Variants in CUL7 observed in about 807,000 individuals in gnomAD.
CUL7 encodes the protein cullin 7.
In CUL7, 96 loss-of-function variants were observed where a neutral mutation model predicts 177.7. The ratio of observed to expected loss-of-function variants is 0.54; its 90% CI spans 0.46 to 0.64. CUL7 has a LOEUF of 0.64. Among genes scored for constraint, CUL7 ranks in the 30% least tolerant of loss-of-function variants. The probability of loss-of-function intolerance (pLI) is 0.00; values close to 1 mark genes in which losing one functional copy is unlikely to be tolerated. For synonymous variants in CUL7, 824 were observed against 890.2 expected (o/e 0.93, Z 1.32); for missense variants, 1,893 against 2,187.9 (o/e 0.87, Z 2.69).
Position 43,052,484 on chromosome 6 carries a change from A to G in CUL7, c.305T>C (p.Leu102Pro), listed in dbSNP as rs1396576880. 1 of 1,614,196 alleles carries G rather than the reference A, an allele frequency of 6.2e-7. No homozygotes were observed. Among genetic ancestry groups the G allele is most frequent in the African/African-American group, 1.3e-5 (1 of 75,074 alleles). The change falls in exon 2 of 26, where the codon CTG becomes CCG. Residue 102 changes from leucine to proline, a missense_variant. Physicochemically the swap from Leu to Pro is moderately conservative, Grantham distance 98 (BLOSUM62 -3). Transcript: ENST00000265348. The surrounding 1 kb of genome is among the most constrained non-coding windows in gnomAD (Gnocchi z 4.5). ...CATCTCCTCCAGCACAGATTTGTCCAGGGCCCCAACCTCCCCTGCAGACTC... is the reference window on the plus strand; with the variant it reads ...CATCTCCTCCAGCACAGATTTGTCCGGGGCCCCAACCTCCCCTGCAGACTC... ...SQESAGEVGA[L>P]DKSVLEEMET... is the part of the protein sequence containing the mutation.
Position 43,043,474 on chromosome 6 carries a change from G to A in CUL7, c.3329C>T (p.Pro1110Leu), listed in dbSNP as rs973345906. The A allele has an allele frequency of 1.9e-6, 3 of 1,613,874 alleles. No homozygotes were observed. The highest frequency in any genetic ancestry group is 1.7e-5 in the Admixed American group (1 of 59,992). The change falls in exon 17 of 26, where the codon CCT becomes CTT. Residue 1110 changes from proline to leucine, a missense_variant. Pro to Leu is a moderately conservative substitution (Grantham distance 98, BLOSUM62 -3). Coordinates refer to ENST00000265348, the MANE Select transcript of CUL7 (RefSeq NM_014780.5). This position sits in a 1 kb window ranked among gnomAD's most constrained non-coding sequence, Gnocchi z 4.2. Reference sequence around the variant, plus strand: ...GGGCCGAGGAGTGGCCACCACAGGAGGGGGTGCCTCACAGGGCTCGACATG... The same window carrying A: ...GGGCCGAGGAGTGGCCACCACAGGAAGGGGTGCCTCACAGGGCTCGACATG... Reference protein sequence around the residue: ...LVHVEPCEAPPPVVATPRPKG... With the variant: ...LVHVEPCEAPLPVVATPRPKG...
At position 43,040,379 on chromosome 6, in the gene CUL7, C is replaced by T; in HGVS notation, c.4071G>A (p.Glu1357=). ...SGKEHKSEKE[E]EAGAAAVVDV... is the part of the protein sequence containing the mutation. ...CCACCACTGCTGCTGCCCCAGCTTC[C>T]TCTTCCTTCTCGCTCTTGTGCTCCT... Residue 1357 remains glutamate (E), a synonymous_variant, in exon 22 of 26, where the codon GAG becomes GAA. Transcript: ENST00000265348. The surrounding 1 kb of genome is among the most constrained non-coding windows in gnomAD (Gnocchi z 4.2). The T allele has an allele frequency of 2.5e-6, 4 of 1,613,392 alleles. No individual in the cohort carries two copies. Among genetic ancestry groups the T allele is most frequent in the Non-Finnish European group, 3.4e-6 (4 of 1,180,032 alleles).
Position 43,050,000 on chromosome 6 carries a change from T to C in CUL7, c.1532A>G (p.Glu511Gly). 6.2e-7 allele frequency: 1 copy of C among 1,614,110 alleles called. No homozygotes were observed. Among genetic ancestry groups the C allele is most frequent in the Non-Finnish European group, 8.5e-7 (1 of 1,180,012 alleles). ...GTTCTCCTGGAGGATCTGGAGAACC[T>C]CCTGATGGTCAGGTCCATCCAGCTT... Reference protein sequence around the residue: ...IKKLDGPDHQEVLQILQENLD... With the variant: ...IKKLDGPDHQGVLQILQENLD... The change falls in exon 6 of 26, where the codon GAG becomes GGG. Residue 511 changes from glutamate to glycine, a missense_variant. Transcript: ENST00000265348.
In CUL7 at chr6:43,052,639, C is replaced by T; in HGVS notation, c.150G>A (p.Glu50=). 1 of 1,614,252 alleles carries T rather than the reference C, an allele frequency of 6.2e-7. No individual in the cohort carries two copies. The highest frequency in any genetic ancestry group is 8.5e-7 in the Non-Finnish European group (1 of 1,180,044). ...CCACTTGGCCAGAGCCCCCGTCCCCCTCATCGCCACGCCGCAGGATGAGCC... is the reference window on the plus strand; with the variant it reads ...CCACTTGGCCAGAGCCCCCGTCCCCTTCATCGCCACGCCGCAGGATGAGCC... ...IRWLILRRGD[E]GDGGSGQVDC... The change falls in exon 2 of 26, where the codon GAG becomes GAA. Residue 50 remains glutamate (E), a synonymous_variant. Coordinates refer to ENST00000265348, the MANE Select transcript of CUL7 (RefSeq NM_014780.5). The surrounding 1 kb of genome is among the most constrained non-coding windows in gnomAD (Gnocchi z 4.5).
chr6:43,043,246 CA>C lies in CUL7; in HGVS notation c.3356-67del. The C allele has an allele frequency of 7.2e-7, 1 of 1,387,272 alleles. No homozygotes were observed. The highest frequency in any genetic ancestry group is 1.0e-6 in the Non-Finnish European group (1 of 984,264). 85.9% of individuals were successfully genotyped at this position (1,387,272 alleles called of 1,614,324 possible). ...GCCCCTCCACTCCCAAGTCCCCATC[CA>C]AGGGGGTTCCCTGAGGCCTTTCCTG... On this transcript the variant is annotated intron_variant, in intron 17 of 25. Coordinates refer to ENST00000265348, the MANE Select transcript of CUL7 (RefSeq NM_014780.5). The surrounding 1 kb of genome is among the most constrained non-coding windows in gnomAD (Gnocchi z 4.2).
rs1763347401 is a variant in CUL7 at position 43,040,783 on chromosome 6, G to C, written c.3807-37C>G. ...GCAGCCCGGGCCAAGCCTCAGTGTG[G>C]GCACCAGTGTGGCCCAGCCTCCCAC... On this transcript the variant is annotated intron_variant, in intron 20 of 25. Transcript: ENST00000265348. The surrounding 1 kb of genome is among the most constrained non-coding windows in gnomAD (Gnocchi z 4.2). 2 of 1,609,464 alleles carry C rather than the reference G, an allele frequency of 1.2e-6. No individual in the cohort carries two copies. Among genetic ancestry groups the C allele is most frequent in the Non-Finnish European group, 1.7e-6 (2 of 1,175,898 alleles).
At position 43,045,435 on chromosome 6, in the gene CUL7, C is replaced by T; in HGVS notation, c.2863-33G>A. 2.5e-6 allele frequency: 4 copies of T among 1,614,192 alleles called. No individual in the cohort carries two copies. The highest frequency in any genetic ancestry group is 3.4e-6 in the Non-Finnish European group (4 of 1,180,040). ...ACACACAGGACTATCTTCACTCGCTCCACACCTTGGGATGGGCTGGGGTCA... is the reference window on the plus strand; with the variant it reads ...ACACACAGGACTATCTTCACTCGCTTCACACCTTGGGATGGGCTGGGGTCA... On this transcript the variant is annotated intron_variant, in intron 14 of 25. Transcript: ENST00000265348. This position sits in a 1 kb window ranked among gnomAD's most constrained non-coding sequence, Gnocchi z 4.8.
At position 43,052,721 on chromosome 6, in the gene CUL7, T is replaced by G. The variant is rs749372429; in HGVS notation, c.68A>C (p.Asp23Ala). 1.2e-6 allele frequency: 2 copies of G among 1,612,880 alleles called. No homozygotes were observed. The highest frequency in any genetic ancestry group is 2.2e-5 in the South Asian group (2 of 91,088). ...GCCCACGCGCTGGCGGATCAGCTCA[T>G]CAGGATAGGCATGTAAGCCGGGCCC... Reference protein sequence around the residue: ...PLGPGLHAYPDELIRQRVGHD... With the variant: ...PLGPGLHAYPAELIRQRVGHD... The change falls in exon 2 of 26, where the codon GAT becomes GCT. Residue 23 changes from aspartate to alanine, a missense_variant. By Grantham distance (126) the Asp-to-Ala change is moderately radical (BLOSUM62 -2). Transcript: ENST00000265348. The surrounding 1 kb of genome is among the most constrained non-coding windows in gnomAD (Gnocchi z 4.5).
Position 43,040,417 on chromosome 6 carries a change from C to T in CUL7, c.4033G>A (p.Gly1345Arg). Reference protein sequence around the residue: ...DTEKKIQVGLGASGKEHKSEK... With the variant: ...DTEKKIQVGLRASGKEHKSEK... ...CTCTTGTGCTCCTTGCCACTGGCCC[C>T]AAGGCCCACCTGAAGGAGCACAGGG... Residue 1345 changes from glycine to arginine, a missense_variant, in exon 22 of 26, where the codon GGG becomes AGG. Gly to Arg is a moderately radical substitution (Grantham distance 125, BLOSUM62 -2). Around this residue, in one of 5 missense-constraint regions of CUL7, gnomAD observed 973 missense variants for 1,140.9 expected, o/e 0.85. Coordinates refer to ENST00000265348, the MANE Select transcript of CUL7 (RefSeq NM_014780.5). The surrounding 1 kb of genome is among the most constrained non-coding windows in gnomAD (Gnocchi z 4.2). The T allele has an allele frequency of 6.2e-7, 1 of 1,612,620 alleles. No individual in the cohort carries two copies. The highest frequency in any genetic ancestry group is 1.1e-5 in the South Asian group (1 of 91,088).
chr6:43,040,506 G>A lies in CUL7; in HGVS notation c.4023+24C>T. On this transcript the variant is annotated intron_variant, in intron 21 of 25. Transcript: ENST00000265348. The surrounding 1 kb of genome is among the most constrained non-coding windows in gnomAD (Gnocchi z 4.2). ...CCCTCTTCCCCCTACCCTCTTATTT[G>A]CTTATCCCTTCCAAGGCACTCACCT... 6.2e-7 allele frequency: 1 copy of A among 1,613,438 alleles called. No individual in the cohort carries two copies. Among genetic ancestry groups the A allele is most frequent in the Non-Finnish European group, 8.5e-7 (1 of 1,179,950 alleles).
Position 43,045,834 on chromosome 6 carries a change from G to T in CUL7, c.2766+152C>A, listed in dbSNP as rs1763855036. ...CCTCATGCCACCCTCATTGTTCAGGGCCTGGTGGCACAAGCACAGGGATAA... is the reference window on the plus strand; with the variant it reads ...CCTCATGCCACCCTCATTGTTCAGGTCCTGGTGGCACAAGCACAGGGATAA... On this transcript the variant is annotated intron_variant, in intron 13 of 25. Transcript: ENST00000265348. This position sits in a 1 kb window ranked among gnomAD's most constrained non-coding sequence, Gnocchi z 4.8. The T allele has an allele frequency of 8.3e-6, 9 of 1,078,858 alleles. No homozygotes were observed. Among genetic ancestry groups the T allele is most frequent in the Non-Finnish European group, 1.3e-5 (9 of 714,418 alleles). The allele number at this position is 1,078,858 out of a possible 1,614,324, so 66.8% of individuals were successfully genotyped here.
rs1275273166 is a variant in CUL7, at chr6:43,053,767, A to C, written c.-154T>G. Reference sequence around the variant, plus strand: ...ACGGGAGGGGGCGTGCCTCCGCGGAACAGAGCTGCACCCGCGTGAGTCGGC... The same window carrying C: ...ACGGGAGGGGGCGTGCCTCCGCGGACCAGAGCTGCACCCGCGTGAGTCGGC... On this transcript the variant is annotated 5_prime_UTR_variant, in exon 1 of 26. Transcript: ENST00000265348. This position sits in a 1 kb window ranked among gnomAD's most constrained non-coding sequence, Gnocchi z 4.1. 1 of 1,524,668 alleles carries C rather than the reference A, an allele frequency of 6.6e-7. No homozygotes were observed. The highest frequency in any genetic ancestry group is 8.8e-7 in the Non-Finnish European group (1 of 1,141,446). 94.4% of individuals were successfully genotyped at this position (1,524,668 alleles called of 1,614,324 possible). A position where few individuals can be genotyped will look rare whatever the true frequency, so the allele number is the denominator to read the frequency against.
At chr6:43,038,738 G>C in intron 23 of CUL7, 46 bp from the exon 24 acceptor site, 1 of 1,613,374 alleles carries the variant, frequency 6.2e-7, no homozygotes, top group Non-Finnish European at 8.5e-7. Flanking sequence ...CCAAGGAGTG[G>C]AGAGAAGAGG....
chr6:43,049,371 A>G (rs1189831205), intron 7 of CUL7, 36 bp downstream of exon 7: 3 of 1,613,886 alleles, frequency 1.9e-6, no homozygotes, highest in Non-Finnish European at 2.5e-6. Context: ...ACTGCCCTGA[A>G]GGTGTGTCAG....
rs886061419 is a variant in CUL7, at chr6:43,050,019, C to T, written c.1513G>A (p.Asp505Asn). 6.2e-7 allele frequency: 1 copy of T among 1,614,214 alleles called. No individual in the cohort carries two copies. ...WELLFFIKKL[D>N]GPDHQEVLQI... is the part of the protein sequence containing the mutation. ...AGAACCTCCTGATGGTCAGGTCCATCCAGCTTCTTGATGAAGAAGAGGAGT... is the reference window on the plus strand; with the variant it reads ...AGAACCTCCTGATGGTCAGGTCCATTCAGCTTCTTGATGAAGAAGAGGAGT... The change falls in exon 6 of 26, where the codon GAT (aspartate) becomes AAT (asparagine). Residue 505 changes from aspartate to asparagine, a missense_variant. Physicochemically the swap from Asp to Asn is conservative, Grantham distance 23. Coordinates refer to ENST00000265348, the MANE Select transcript of CUL7 (RefSeq NM_014780.5). This position sits in a 1 kb window ranked among gnomAD's most constrained non-coding sequence, Gnocchi z 4.1.
intron 7 of CUL7, 123 bp downstream of exon 7, chr6:43,049,284 C>T: frequency 7.8e-7 from 1 of 1,283,770 alleles, no homozygotes; most frequent in Non-Finnish European, 1.1e-6. Flanking sequence ...TTGCTTCTCT[C>T]TAAGTTGCAG....
In CUL7 at chr6:43,052,603, A is replaced by G; in HGVS notation, c.186T>C (p.Ala62=). 6.2e-7 allele frequency: 1 copy of G among 1,614,230 alleles called. No individual in the cohort carries two copies. Reference sequence around the variant, plus strand: ...TGGACATCCACAGCAGGATGTGCTCAGCCTTGCAGTCCACTTGGCCAGAGC... The same window carrying G: ...TGGACATCCACAGCAGGATGTGCTCGGCCTTGCAGTCCACTTGGCCAGAGC... ...DGGSGQVDCK[A]EHILLWMSKD... The change falls in exon 2 of 26, where the codon GCT becomes GCC. Residue 62 remains alanine, a synonymous_variant. Transcript: ENST00000265348. This position sits in a 1 kb window ranked among gnomAD's most constrained non-coding sequence, Gnocchi z 4.5.
In CUL7 at chr6:43,052,987, TGAAA is replaced by T. The variant is rs1423373777; in HGVS notation, c.-8-195_-8-192del. Among the ~76,000 whole-genome samples the T allele has an allele frequency of 1.3e-5, 2 of 151,836 alleles. No individual in the cohort carries two copies. The highest frequency in any genetic ancestry group is 2.9e-5 in the Non-Finnish European group (2 of 67,952). On this transcript the variant is annotated intron_variant, in intron 1 of 25. Coordinates refer to ENST00000265348, the MANE Select transcript of CUL7 (RefSeq NM_014780.5). The surrounding 1 kb of genome is among the most constrained non-coding windows in gnomAD (Gnocchi z 4.5). ...GCAGAGAACACTGGGGTGTTTGTTGTGAAAGAACACAAAATTTGGGGGCTAAAAG... is the reference window on the plus strand; with the variant it reads ...GCAGAGAACACTGGGGTGTTTGTTGTGAACACAAAATTTGGGGGCTAAAAG...
rs567448454 is a variant in CUL7, at chr6:43,052,870, G to A, written c.-8-74C>T. The A allele has an allele frequency of 3.5e-5, 52 of 1,489,502 alleles. 2 individuals are homozygous for A. The Middle Eastern group carries it at 5.6e-4, about 16-fold the overall frequency. 92.3% of individuals were successfully genotyped at this position (1,489,502 alleles called of 1,614,324 possible). Reference sequence around the variant, plus strand: ...TCAGAAAATCAAAGATATCCAGGAGGTGGGGAAGCAAATGGCAACAGCTGT... The same window carrying A: ...TCAGAAAATCAAAGATATCCAGGAGATGGGGAAGCAAATGGCAACAGCTGT... On this transcript the variant is annotated intron_variant, in intron 1 of 25. Transcript: ENST00000265348. The surrounding 1 kb of genome is among the most constrained non-coding windows in gnomAD (Gnocchi z 4.5).
Sources: allele counts gnomAD v4.1 joint callset (sites outside exome capture counted in the v4.1 genomes callset), GRCh38; gene constraint gnomAD v4.1.1; regional missense constraint gnomAD v4.1.1; non-coding constraint Gnocchi (gnomAD v3.1); transcripts MANE v1.5; gene names NCBI Gene and HGNC (gene_info 2026-07-23, HGNC 2026-07-21).